The following FHIT variants were observed in gnomAD, a reference collection of about 807,000 sequenced individuals.
FHIT encodes fragile histidine triad diadenosine triphosphatase, also known as bis(5'-adenosyl)-triphosphatase.
FHIT carries 19 observed loss-of-function variants against 17.9 expected under a neutral mutation model. The observed-to-expected ratio is 1.06, with a 90% CI of 0.74 to 1.56. FHIT has a LOEUF of 1.56. Ranked by LOEUF, FHIT falls within the 40% of genes most tolerant of loss-of-function variation. The pLI, the probability that FHIT is intolerant of heterozygous loss-of-function variation, is 0.00. For synonymous variants in FHIT, 81 were observed against 69.7 expected (o/e 1.16, Z -0.81); for missense variants, 248 against 189.2 (o/e 1.31, Z -1.82).
At chr3:60,217,296 G>A (rs914269755) in intron 5 of FHIT, among the ~76,000 whole-genome samples, 3 of 152,116 alleles carry the variant, frequency 2.0e-5, no homozygotes, top group Non-Finnish European at 4.4e-5. Flanking sequence ...AAACATGTGT[G>A]TTAGATGAAG....
chr3:60,048,405 T>C (rs189659711), intron 5 of FHIT, among the ~76,000 whole-genome samples: 126 of 152,318 alleles, frequency 8.3e-4, no homozygotes, highest in Middle Eastern at 6.8e-3. Flanking sequence ...CTCGATCTCC[T>C]GACCTCGTGA....
At chr3:60,045,464 G>A (rs1701615206) in intron 5 of FHIT, among the ~76,000 whole-genome samples, 1 of 152,048 alleles carries the variant, frequency 6.6e-6, no homozygotes, top group Non-Finnish European at 1.5e-5. Context: ...CCACCATCAT[G>A]AGAACAGCTT....
intron 3 of FHIT, among the ~76,000 whole-genome samples, chr3:60,855,919 A>T (rs1553749822): frequency 6.6e-6 from 1 of 152,126 alleles, no homozygotes; most frequent in East Asian, 1.9e-4. Flanking sequence ...AAAGCAAAGA[A>T]CCTTGTAAAC....
chr3:61,052,465 G>A (rs2034063359), intron 2 of FHIT, among the ~76,000 whole-genome samples: 1 of 152,160 alleles, frequency 6.6e-6, no homozygotes, highest in South Asian at 2.1e-4. Flanking sequence ...ATACACAAGT[G>A]TTACATGAAT....
chr3:61,050,419 C>T (rs966977674), intron 2 of FHIT, among the ~76,000 whole-genome samples: 1 of 151,966 alleles, frequency 6.6e-6, no homozygotes, highest in African/African-American at 2.4e-5. Context: ...TAGATTCTGA[C>T]TTGAACAAAA....
intron 4 of FHIT, among the ~76,000 whole-genome samples, chr3:60,598,982 T>A (rs1008668931): frequency 6.6e-6 from 1 of 152,198 alleles, no homozygotes; most frequent in African/African-American, 2.4e-5. Context: ...ATGTTCTAAT[T>A]TTCTTCTATC....
intron 5 of FHIT, among the ~76,000 whole-genome samples, chr3:60,186,603 G>C (rs1276556674): frequency 6.6e-6 from 1 of 152,082 alleles, no homozygotes; most frequent in Non-Finnish European, 1.5e-5. Context: ...GGTGGGCTGC[G>C]TACAGAACAC....
chr3:61,169,987 G>C, intron 2 of FHIT, among the ~76,000 whole-genome samples: 1 of 152,172 alleles, frequency 6.6e-6, no homozygotes, highest in East Asian at 1.9e-4. Context: ...TGAGAAACTT[G>C]ATTAGACATC....
chr3:60,551,656 A>T (rs1023366290), intron 4 of FHIT, among the ~76,000 whole-genome samples: 7 of 142,986 alleles, frequency 4.9e-5, no homozygotes, highest in African/African-American at 7.9e-5. Flanking sequence ...GCTACTCCAG[A>T]GACCATGGCA....
At chr3:60,617,041 G>A in intron 4 of FHIT, 1 of 206,210 alleles carries the variant, frequency 4.8e-6, no homozygotes, top group Non-Finnish European at 1.1e-5. Flanking sequence ...CTATGGAAGT[G>A]GATACTGACA....
At chr3:60,922,353 G>GA (rs1461884304) in intron 3 of FHIT, among the ~76,000 whole-genome samples, 1 of 152,096 alleles carries the variant, frequency 6.6e-6, no homozygotes, top group Admixed American at 6.6e-5. Flanking sequence ...CTTTTACCAT[G>GA]AAAAAGAAAT....
chr3:61,209,223 G>C (rs559786033), intron 1 of FHIT, among the ~76,000 whole-genome samples: 1 of 152,298 alleles, frequency 6.6e-6, no homozygotes, highest in African/African-American at 2.4e-5. Flanking sequence ...TGGGTAACCC[G>C]ACCTTTCTCT....
At chr3:60,518,563 G>A (rs2035243457) in intron 5 of FHIT, among the ~76,000 whole-genome samples, 2 of 152,178 alleles carry the variant, frequency 1.3e-5, no homozygotes, top group African/African-American at 4.8e-5. Context: ...TAATATTATA[G>A]CAAGTAGTGA....
At chr3:59,959,271 C>T (rs1707552892) in intron 7 of FHIT, among the ~76,000 whole-genome samples, 2 of 152,156 alleles carry the variant, frequency 1.3e-5, no homozygotes, top group African/African-American at 4.8e-5. Context: ...GTCGGAGCTA[C>T]CCTTTAAAGA....
chr3:60,642,272 C>T (rs1422689906), intron 4 of FHIT, among the ~76,000 whole-genome samples: 3 of 152,164 alleles, frequency 2.0e-5, no homozygotes, highest in Non-Finnish European at 4.4e-5. Context: ...GGAGAATTAC[C>T]AGCACATGCC....
intron 8 of FHIT, among the ~76,000 whole-genome samples, chr3:59,897,556 G>A (rs1452948836): frequency 1.3e-5 from 2 of 152,204 alleles, no homozygotes; most frequent in African/African-American, 4.8e-5. Context: ...CTTGGCACAT[G>A]AGAATTATTT....
intron 5 of FHIT, among the ~76,000 whole-genome samples, chr3:60,495,208 T>C (rs775428190): frequency 2.6e-5 from 4 of 152,100 alleles, no homozygotes; most frequent in South Asian, 2.1e-4. Context: ...CTGATTTGCA[T>C]TTCTTTGATG....
chr3:59,991,204 T>C (rs1388073832), intron 7 of FHIT, among the ~76,000 whole-genome samples: 1 of 152,084 alleles, frequency 6.6e-6, no homozygotes, highest in South Asian at 2.1e-4. Flanking sequence ...ATTAATGACA[T>C]TGTATAGTAG....
chr3:60,480,754 G>T (rs2033572334), intron 5 of FHIT, among the ~76,000 whole-genome samples: 1 of 152,202 alleles, frequency 6.6e-6, no homozygotes. Flanking sequence ...GCCTTGGGCA[G>T]CTCTACCTCT....
Sources: allele counts gnomAD v4.1 joint callset (sites outside exome capture counted in the v4.1 genomes callset), GRCh38; gene constraint gnomAD v4.1.1; transcripts MANE v1.5; gene names NCBI Gene and HGNC (gene_info 2026-07-23, HGNC 2026-07-21).